The following COL11A1 variants were observed in gnomAD, a reference collection of about 807,000 sequenced individuals.
COL11A1 encodes collagen alpha-1(XI) chain.
COL11A1 carries 74 observed loss-of-function variants against 265.2 expected under a neutral mutation model. The observed-to-expected ratio is 0.28, with a 90% CI of 0.23 to 0.34. The LOEUF is 0.34. Ranked by LOEUF, COL11A1 falls within the 10% of genes least tolerant of loss-of-function variation. The pLI, the probability that COL11A1 is intolerant of heterozygous loss-of-function variation, is 1.00. For missense variants in COL11A1, 2,165 were observed against 2,263.6 expected (o/e 0.96, Z 0.88); for synonymous variants, 816 against 727.6 (o/e 1.12, Z -1.96).
At chr1:103,050,971 C>A (rs1669767013) in intron 4 of COL11A1, among the ~76,000 whole-genome samples, 1 of 152,198 alleles carries the variant, frequency 6.6e-6, no homozygotes, top group East Asian at 1.9e-4. Flanking sequence ...AGTTTTGTCT[C>A]AGAGGAGTAC....
chr1:102,883,071 T>G (rs1397134786), intron 64 of COL11A1, 128 bp downstream of exon 64: 2 of 722,218 alleles, frequency 2.8e-6, no homozygotes, highest in African/African-American at 3.5e-5. Context: ...GCAAATGAAG[T>G]ACTCTAATTA....
intron 46 of COL11A1, among the ~76,000 whole-genome samples, chr1:102,933,378 G>A (rs984045136): frequency 2.0e-5 from 3 of 146,348 alleles, no homozygotes; most frequent in East Asian, 2.0e-4. Context: ...GCCCCTGCTG[G>A]GGGGTGCCTC....
rs71094602 is a variant in COL11A1 at position 103,071,429 on chromosome 1, G to GAA, written c.651+3187_651+3188dup. On this transcript the variant is annotated intron_variant, in intron 4 of 66. Transcript: ENST00000370096. Reference sequence around the variant, plus strand: ...CACATCTTTGAATCTTATTTAGCAGGAAAAAAAAATCAAGGCTGTTGATTT... The same window carrying GAA: ...CACATCTTTGAATCTTATTTAGCAGGAAAAAAAAAAATCAAGGCTGTTGATTT... Among the ~76,000 whole-genome samples, 162 of 116,128 alleles carry GAA rather than the reference G, an allele frequency of 1.4e-3. 1 individual carries two copies. The highest frequency in any genetic ancestry group is 4.9e-3 in the African/African-American group (156 of 31,820). The allele number at this position is 116,128 out of a possible 152,430, so 76.2% of individuals were successfully genotyped here.
chr1:103,020,203 C>A (rs1666915848), intron 9 of COL11A1, among the ~76,000 whole-genome samples: 2 of 150,974 alleles, frequency 1.3e-5, no homozygotes, highest in Non-Finnish European at 1.5e-5. Flanking sequence ...ACAGTCCCAC[C>A]AACAGTGTAA....
chr1:103,084,760 C>T (rs961912526), intron 1 of COL11A1, among the ~76,000 whole-genome samples: 2 of 152,106 alleles, frequency 1.3e-5, no homozygotes, highest in African/African-American at 4.8e-5. Flanking sequence ...ACAGTAAGTC[C>T]TCACTTAATA....
In COL11A1 at chr1:102,987,798, C is replaced by T. The variant is rs897845799; in HGVS notation, c.2395-58G>A. On this transcript the variant is annotated intron_variant, in intron 29 of 66. Transcript: ENST00000370096. Reference sequence around the variant, plus strand: ...GAAACGTCCTTTACAAAAATTGTAACAGGGAAAAAATTATGACAGTGAAAG... The same window carrying T: ...GAAACGTCCTTTACAAAAATTGTAATAGGGAAAAAATTATGACAGTGAAAG... The T allele has an allele frequency of 6.9e-6, 9 of 1,306,062 alleles. No homozygotes were observed. The Admixed American group carries it at 1.5e-4, about 22-fold the overall frequency. The allele number at this position is 1,306,062 out of a possible 1,614,324, so 80.9% of individuals were successfully genotyped here. A position where few individuals can be genotyped will look rare whatever the true frequency, so the allele number is the denominator to read the frequency against.
intron 29 of COL11A1, among the ~76,000 whole-genome samples, chr1:102,988,935 C>T (rs1663845865): frequency 6.6e-6 from 1 of 151,984 alleles, no homozygotes; most frequent in African/African-American, 2.4e-5. Context: ...CTATAGAATG[C>T]TTCTTTATTC....
At chr1:103,095,641 T>G (rs1319146864) in intron 1 of COL11A1, among the ~76,000 whole-genome samples, 1 of 151,992 alleles carries the variant, frequency 6.6e-6, no homozygotes, top group Admixed American at 6.6e-5. Context: ...TTCAAAAAAT[T>G]ATCCCCCATA....
intron 44 of COL11A1, among the ~76,000 whole-genome samples, chr1:102,937,478 C>A (rs989743666): frequency 2.6e-5 from 4 of 152,054 alleles, no homozygotes; most frequent in Admixed American, 6.6e-5. Context: ...AAATTTAATT[C>A]CCAGTGTTGG....
chr1:102,880,871 G>A (rs967636176), intron 65 of COL11A1, among the ~76,000 whole-genome samples: 5 of 151,888 alleles, frequency 3.3e-5, no homozygotes, highest in Non-Finnish European at 5.9e-5. Context: ...CACACACATA[G>A]AGTTCTATCT....
intron 41 of COL11A1, among the ~76,000 whole-genome samples, chr1:102,954,232 A>G (rs894774135): frequency 6.6e-6 from 1 of 152,206 alleles, no homozygotes. Context: ...ACCTTCATCT[A>G]AAACTTACAA....
At chr1:103,012,496 G>A (rs1423153386) in intron 13 of COL11A1, 27 bp from the exon 14 acceptor site, 1 of 1,573,332 alleles carries the variant, frequency 6.4e-7, no homozygotes, top group Non-Finnish European at 8.7e-7. Context: ...ATCAAATTCA[G>A]TAATATTCTC....
chr1:103,002,369 A>G (rs1193501511), intron 23 of COL11A1, 59 bp downstream of exon 23: 1 of 1,384,864 alleles, frequency 7.2e-7, no homozygotes, highest in Non-Finnish European at 1.0e-6. Context: ...CGATTTTCTT[A>G]TAGAAAGATA....
chr1:103,098,739 T>C (rs970354692), intron 1 of COL11A1, among the ~76,000 whole-genome samples: 1 of 151,878 alleles, frequency 6.6e-6, no homozygotes, highest in Non-Finnish European at 1.5e-5. Context: ...CTTTATAATG[T>C]TATGCCAGGC....
At chr1:103,039,894 A>C (rs1228590396) in intron 4 of COL11A1, among the ~76,000 whole-genome samples, 1 of 152,152 alleles carries the variant, frequency 6.6e-6, no homozygotes, top group Admixed American at 6.6e-5. Context: ...TGCTGTAGAA[A>C]TATTGGCTGA....
chr1:102,979,356 G>A (rs768147423), intron 32 of COL11A1, 26 bp downstream of exon 32: 5 of 1,572,216 alleles, frequency 3.2e-6, no homozygotes, highest in Non-Finnish European at 3.5e-6. Flanking sequence ...TATATACATA[G>A]TTCAAAACAT....
At chr1:102,962,122 C>T in intron 40 of COL11A1, 54 bp downstream of exon 40, 1 of 1,423,316 alleles carries the variant, frequency 7.0e-7, no homozygotes, top group Non-Finnish European at 9.9e-7. Flanking sequence ...AGAAAAAATG[C>T]TTCTAATAAA....
intron 29 of COL11A1, among the ~76,000 whole-genome samples, chr1:102,988,116 G>A (rs906905466): frequency 1.3e-5 from 2 of 152,040 alleles, no homozygotes; most frequent in Admixed American, 6.6e-5. Context: ...ACATCACTAC[G>A]TAGAACATAA....
intron 4 of COL11A1, among the ~76,000 whole-genome samples, chr1:103,043,073 T>A (rs1668951537): frequency 7.2e-6 from 1 of 138,856 alleles, no homozygotes; most frequent in Non-Finnish European, 1.5e-5. Flanking sequence ...AATGAATACA[T>A]GAAATACATC....
Sources: gnomAD v4.1 joint callset for allele counts (sites outside exome capture counted in the v4.1 genomes callset) on GRCh38, gnomAD v4.1.1 for gene constraint, MANE v1.5 for transcripts, NCBI Gene and HGNC (gene_info 2026-07-23, HGNC 2026-07-21) for gene names.